PPP1R16B: variants seen among roughly 807,000 people sequenced by gnomAD.
PPP1R16B encodes protein phosphatase 1 regulatory subunit 16B.
In PPP1R16B, 14 loss-of-function variants were observed where a neutral mutation model predicts 61.7. The observed-to-expected ratio is 0.23, with a 90% CI of 0.15 to 0.35. The LOEUF is 0.35. PPP1R16B is among the 10% of genes least tolerant of loss of function. The probability of loss-of-function intolerance (pLI) is 1.00; values close to 1 mark genes in which losing one functional copy is unlikely to be tolerated. For missense variants in PPP1R16B, 547 were observed against 752.5 expected (o/e 0.73, Z 3.19); for synonymous variants, 266 against 305.3 (o/e 0.87, Z 1.34).
At chr20:38,841,782 C>A (rs993625799) in intron 2 of PPP1R16B, among the ~76,000 whole-genome samples, 1 of 152,196 alleles carries the variant, frequency 6.6e-6, no homozygotes, top group Non-Finnish European at 1.5e-5. Flanking sequence ...TTTCATTGCC[C>A]TGTAGTATTC....
chr20:38,895,513 C>T lies in PPP1R16B; in HGVS notation c.322-52C>T, dbSNP rs75333928. The T allele has an allele frequency of 2.9e-3, 4,555 of 1,582,728 alleles. 115 individuals carry two copies. In the African/African-American group the frequency reaches 0.052, roughly 18 times the overall value. On this transcript the variant is annotated intron_variant, in intron 3 of 10. Coordinates refer to ENST00000299824, the MANE Select transcript of PPP1R16B (RefSeq NM_015568.4). The stretch of plus-strand genomic sequence containing the variant: ...GAACCTGGTGTGTCCTGACCAGGGC[C>T]CGGGGCCCAGTGCCCTGCCTGGAGC...
intron 2 of PPP1R16B, among the ~76,000 whole-genome samples, chr20:38,854,195 G>T (rs565812609): frequency 3.2e-4 from 49 of 152,316 alleles, no homozygotes; most frequent in Non-Finnish European, 5.9e-4. Flanking sequence ...ACCAAACACT[G>T]CCTCTCTCTG....
chr20:38,808,547 C>G (rs961135964), intron 1 of PPP1R16B, among the ~76,000 whole-genome samples: 6 of 152,200 alleles, frequency 3.9e-5, no homozygotes, highest in Admixed American at 2.0e-4. Flanking sequence ...TTACAGAAAG[C>G]TACGAGTATG....
rs147323085 is a variant in PPP1R16B at position 38,883,243 on chromosome 20, C to T, written c.251-6352C>T. On this transcript the variant is annotated intron_variant, in intron 2 of 10. Coordinates refer to ENST00000299824, the MANE Select transcript of PPP1R16B (RefSeq NM_015568.4). ...CACCTCTGCCTGGCTGTCTCCGTTT[C>T]CCCAGAGGAGGAGCAGGAGCCACGC... Among the ~76,000 whole-genome samples, 44 of 152,328 alleles carry T rather than the reference C, an allele frequency of 2.9e-4. No individual in the cohort carries two copies. The East Asian group carries it at 7.3e-3, about 25-fold the overall frequency.
intron 2 of PPP1R16B, among the ~76,000 whole-genome samples, chr20:38,863,663 A>G (rs915761061): frequency 1.6e-4 from 25 of 152,174 alleles, no homozygotes; most frequent in Admixed American, 6.6e-5. Context: ...CACCCACCTC[A>G]AGGGAATTGC....
intron 1 of PPP1R16B, among the ~76,000 whole-genome samples, chr20:38,807,700 A>G (rs111591072): frequency 1.4e-4 from 21 of 152,054 alleles, no homozygotes; most frequent in African/African-American, 5.1e-4. Flanking sequence ...CAAGATGTCA[A>G]CCAGGCCACC....
chr20:38,865,801 T>G (rs1031192570), intron 2 of PPP1R16B, among the ~76,000 whole-genome samples: 1 of 152,168 alleles, frequency 6.6e-6, no homozygotes, highest in African/African-American at 2.4e-5. Context: ...GCCTCTGTTT[T>G]GAGGGCACCA....
intron 5 of PPP1R16B, among the ~76,000 whole-genome samples, chr20:38,902,015 G>T (rs2085398326): frequency 6.6e-6 from 1 of 151,940 alleles, no homozygotes. Context: ...TCCTGAATTC[G>T]ATCGAACAGT....
chr20:38,905,903 G>T, intron 6 of PPP1R16B, 66 bp from the exon 7 acceptor site: 1 of 1,533,974 alleles, frequency 6.5e-7, no homozygotes, highest in South Asian at 1.2e-5. Flanking sequence ...GTGAAGGTGA[G>T]AGCTAGCCTA....
chr20:38,904,798 G>A (rs1297633170), intron 6 of PPP1R16B, among the ~76,000 whole-genome samples: 7 of 152,168 alleles, frequency 4.6e-5, no homozygotes, highest in Non-Finnish European at 1.0e-4. Context: ...AGGCCCCCGA[G>A]GTTCTCTGGC....
At chr20:38,883,979 C>A (rs1356767103) in intron 2 of PPP1R16B, among the ~76,000 whole-genome samples, 1 of 152,204 alleles carries the variant, frequency 6.6e-6, no homozygotes, top group Non-Finnish European at 1.5e-5. Flanking sequence ...GTCACTCTGA[C>A]AAACTGATGG....
At chr20:38,903,368 C>T (rs2085411854) in intron 6 of PPP1R16B, among the ~76,000 whole-genome samples, 1 of 152,106 alleles carries the variant, frequency 6.6e-6, no homozygotes, top group Admixed American at 6.5e-5. Flanking sequence ...TCTTGCTTTG[C>T]ACTGTCCATT....
chr20:38,895,362 C>G (rs376584312), intron 3 of PPP1R16B, among the ~76,000 whole-genome samples: 1 of 150,762 alleles, frequency 6.6e-6, no homozygotes, highest in Non-Finnish European at 1.5e-5. Context: ...TTTTTACTCA[C>G]AAGGAGACTG....
At chr20:38,857,910 G>C (rs1601261192) in intron 2 of PPP1R16B, among the ~76,000 whole-genome samples, 1 of 151,934 alleles carries the variant, frequency 6.6e-6, no homozygotes. Flanking sequence ...ATCTGAGGCG[G>C]CCAGAAAAAA....
chr20:38,895,697 A>G lies in PPP1R16B; in HGVS notation c.454A>G (p.Ile152Val). The G allele has an allele frequency of 6.2e-7, 1 of 1,613,986 alleles. No individual in the cohort carries two copies. Among genetic ancestry groups the G allele is most frequent in the African/African-American group, 1.3e-5 (1 of 75,000 alleles). ...CTGCGGCCACATCAACCTGGTGAAGATCCTCGTTCAGTAGTACGTGCCCCT... is the reference window on the plus strand; with the variant it reads ...CTGCGGCCACATCAACCTGGTGAAGGTCCTCGTTCAGTAGTACGTGCCCCT... Reference protein sequence around the residue: ...ATCGHINLVKILVQYGADLLA... With the variant: ...ATCGHINLVKVLVQYGADLLA... Residue 152 changes from isoleucine to valine, a missense_variant, in exon 4 of 11, where the codon ATC becomes GTC. Coordinates refer to ENST00000299824, the MANE Select transcript of PPP1R16B (RefSeq NM_015568.4).
chr20:38,898,410 G>A (rs2085365704), intron 4 of PPP1R16B, among the ~76,000 whole-genome samples: 1 of 152,206 alleles, frequency 6.6e-6, no homozygotes. Context: ...TTTGAAATCA[G>A]GAAGTGTGAA....
At chr20:38,903,575 GTCCGTCCATCCA>G (rs1210027190) in intron 6 of PPP1R16B, among the ~76,000 whole-genome samples, 43 of 82,560 alleles carry the variant, frequency 5.2e-4, no homozygotes, top group African/African-American at 1.7e-3. Flanking sequence ...CCGTCCGTCC[GTCCGTCCATCCA>G]TCCATCCATC....
chr20:38,906,954 A>T, intron 7 of PPP1R16B, 25 bp from the exon 8 acceptor site: 2 of 1,605,822 alleles, frequency 1.2e-6, no homozygotes, highest in Non-Finnish European at 1.7e-6. Context: ...GCAGGGGGAC[A>T]CATGAGCTTC....
rs371284370 is a variant in PPP1R16B, at chr20:38,813,767, CATTATTATTATT to C, written c.-102+8009_-102+8020del. Among the ~76,000 whole-genome samples, 509 of 132,056 alleles carry C rather than the reference CATTATTATTATT, an allele frequency of 3.9e-3. 2 individuals are homozygous for C. The highest frequency in any genetic ancestry group is 0.011 in the African/African-American group (401 of 35,468). The allele number at this position is 132,056 out of a possible 152,430, so 86.6% of individuals were successfully genotyped here. A position where few individuals can be genotyped will look rare whatever the true frequency, so the allele number is the denominator to read the frequency against. ...TAAGGGGTGACATCATCATCATCAT[CATTATTATTATT>C]ATTATTATTATTATTATTATTATTA... On this transcript the variant is annotated intron_variant, in intron 1 of 10. Coordinates refer to ENST00000299824, the MANE Select transcript of PPP1R16B (RefSeq NM_015568.4).
Sources: gnomAD v4.1 joint callset for allele counts (sites outside exome capture counted in the v4.1 genomes callset) on GRCh38, gnomAD v4.1.1 for gene constraint, MANE v1.5 for transcripts, NCBI Gene and HGNC (gene_info 2026-07-23, HGNC 2026-07-21) for gene names.